Variants in SEPTIN10 observed in about 807,000 individuals in gnomAD.
The protein encoded by SEPTIN10 is septin-10.
A neutral mutation model predicts 54.8 loss-of-function variants in SEPTIN10; 66 were observed. The ratio of observed to expected loss-of-function variants is 1.21; its 90% CI spans 0.99 to 1.48. The LOEUF (loss-of-function observed/expected upper bound fraction) is 1.48, where lower values mean the gene tolerates loss of function less well. SEPTIN10 is among the 40% of genes most tolerant of loss of function. The probability of loss-of-function intolerance (pLI) is 0.00; values close to 1 mark genes in which losing one functional copy is unlikely to be tolerated. For synonymous variants in SEPTIN10, 161 were observed against 181.0 expected (o/e 0.89, Z 0.89); for missense variants, 620 against 545.6 (o/e 1.14, Z -1.36).
At chr2:109,569,482 AT>A (rs1216671374) in intron 5 of SEPTIN10, among the ~76,000 whole-genome samples, 1 of 151,584 alleles carries the variant, frequency 6.6e-6, no homozygotes, top group Non-Finnish European at 1.5e-5. Context: ...CCTATTCTAA[AT>A]TTTTTTATCT....
chr2:109,576,052 T>C (rs916372970), intron 4 of SEPTIN10, among the ~76,000 whole-genome samples: 3 of 150,766 alleles, frequency 2.0e-5, no homozygotes, highest in African/African-American at 7.3e-5. Flanking sequence ...AGGCCAGGAG[T>C]TCAAGAACAG....
chr2:109,563,672 T>G (rs1686220468), intron 8 of SEPTIN10, among the ~76,000 whole-genome samples: 1 of 152,196 alleles, frequency 6.6e-6, no homozygotes, highest in African/African-American at 2.4e-5. Context: ...ATTCTAAAAT[T>G]CTTATAACTA....
chr2:109,613,776 C>T, intron 1 of SEPTIN10, 22 bp downstream of exon 1: 1 of 1,219,644 alleles, frequency 8.2e-7, no homozygotes, highest in Non-Finnish European at 1.0e-6. Context: ...GGGGCTGGGG[C>T]CCCGGCGTCG....
chr2:109,550,995 G>C (rs887959717), intron 9 of SEPTIN10, among the ~76,000 whole-genome samples: 6 of 152,202 alleles, frequency 3.9e-5, no homozygotes, highest in African/African-American at 1.4e-4. Flanking sequence ...CATGTAACCT[G>C]AGGGATAAAT....
At chr2:109,592,983 A>G (rs1382761464) in intron 2 of SEPTIN10, 68 bp downstream of exon 2, 1 of 1,066,626 alleles carries the variant, frequency 9.4e-7, no homozygotes, top group Non-Finnish European at 1.3e-6. Context: ...AAGCACTCCA[A>G]GTAGTTATTT....
In SEPTIN10 at chr2:109,550,954, T is replaced by C. The variant is rs369647782; in HGVS notation, c.1161+2133A>G. On this transcript the variant is annotated intron_variant, in intron 9 of 10. Transcript: ENST00000397712. ...AATTATTCCAAGATATAGACAGACA[T>C]ATCAAATTGGGTAGTAATAATAATG... is the stretch of plus-strand genomic sequence containing the variant. 3.9e-4 allele frequency among the ~76,000 whole-genome samples: 60 copies of C among 152,302 alleles called. 1 individual carries two copies. Among genetic ancestry groups the C allele is most frequent in the African/African-American group, 1.3e-3 (56 of 41,568 alleles).
At chr2:109,610,937 G>T (rs1331314031) in intron 1 of SEPTIN10, among the ~76,000 whole-genome samples, 1 of 152,176 alleles carries the variant, frequency 6.6e-6, no homozygotes, top group Non-Finnish European at 1.5e-5. Flanking sequence ...AGAATAAAGT[G>T]GGAGAAATCA....
intron 8 of SEPTIN10, among the ~76,000 whole-genome samples, chr2:109,562,806 G>A (rs1686012814): frequency 6.6e-6 from 1 of 152,180 alleles, no homozygotes; most frequent in East Asian, 1.9e-4. Flanking sequence ...AATCTTTAGT[G>A]AAGACAATAT....
chr2:109,605,180 T>C (rs1697648082), intron 1 of SEPTIN10, among the ~76,000 whole-genome samples: 1 of 152,200 alleles, frequency 6.6e-6, no homozygotes, highest in African/African-American at 2.4e-5. Context: ...GCTTAATTCA[T>C]CAAGCCAGTC....
rs544162792 is a variant in SEPTIN10 at position 109,584,210 on chromosome 2, C to T, written c.413+916G>A. ...ATGGAAATAAGACTGGGCGCAGTTGCTCACGCCTGTAATCCTAGCACTTCG... is the reference window on the plus strand; with the variant it reads ...ATGGAAATAAGACTGGGCGCAGTTGTTCACGCCTGTAATCCTAGCACTTCG... On this transcript the variant is annotated intron_variant, in intron 4 of 10. Transcript: ENST00000397712. 5.9e-5 allele frequency among the ~76,000 whole-genome samples: 9 copies of T among 152,260 alleles called. No individual in the cohort carries two copies. The South Asian group carries it at 1.9e-3, about 32-fold the overall frequency.
At chr2:109,588,771 G>C (rs911463993) in intron 2 of SEPTIN10, among the ~76,000 whole-genome samples, 1 of 151,088 alleles carries the variant, frequency 6.6e-6, no homozygotes, top group Admixed American at 6.6e-5. Flanking sequence ...GATTACAGGC[G>C]TGAGCCACCA....
In SEPTIN10 at chr2:109,574,668, G is replaced by A. The variant is rs1689228133; in HGVS notation, c.513C>T (p.Arg171=). The stretch of plus-strand genomic sequence containing the variant: ...AAATGAAGTAGAGACACACATGGAT[G>A]CGAGAATCATGGTAGGTAAAGAGAG... ...KRSLFTYHDS[R]IHVCLYFISP... is the part of the protein sequence containing the mutation. The change falls in exon 5 of 11, where the codon CGC becomes CGT. Residue 171 remains arginine, a synonymous_variant. Transcript: ENST00000397712. 1.2e-6 allele frequency: 2 copies of A among 1,610,160 alleles called. No individual in the cohort carries two copies. Among genetic ancestry groups the A allele is most frequent in the Non-Finnish European group, 1.7e-6 (2 of 1,178,264 alleles).
intron 2 of SEPTIN10, among the ~76,000 whole-genome samples, chr2:109,591,714 C>T (rs892460): frequency 0.53 from 80,175 of 151,276 alleles, 22,542 homozygotes; most frequent in African/African-American, 0.73. Flanking sequence ...CTGGCCAACA[C>T]GAGCAAAACC....
At chr2:109,559,784 A>C (rs1685195232) in intron 8 of SEPTIN10, among the ~76,000 whole-genome samples, 1 of 152,198 alleles carries the variant, frequency 6.6e-6, no homozygotes, top group Non-Finnish European at 1.5e-5. Flanking sequence ...GCAGTGAACA[A>C]AAAAGGCTGG....
chr2:109,570,800 G>A (rs1002651203), intron 5 of SEPTIN10, among the ~76,000 whole-genome samples: 1 of 152,188 alleles, frequency 6.6e-6, no homozygotes, highest in Non-Finnish European at 1.5e-5. Context: ...GGGATTACAA[G>A]CATGGGCCAC....
At chr2:109,593,697 C>T (rs1391815194) in intron 1 of SEPTIN10, among the ~76,000 whole-genome samples, 4 of 152,116 alleles carry the variant, frequency 2.6e-5, no homozygotes, top group Non-Finnish European at 4.4e-5. Flanking sequence ...AGCCACCACG[C>T]CTGGCCTTTT....
rs1334575491 is a variant in SEPTIN10 at position 109,585,971 on chromosome 2, T to C, written c.100-133A>G. ...TATAATCATTATACCTCACCTAAGATACAAGCGATTAAGTAAATTTTCAGG... is the reference window on the plus strand; with the variant it reads ...TATAATCATTATACCTCACCTAAGACACAAGCGATTAAGTAAATTTTCAGG... On this transcript the variant is annotated intron_variant, in intron 2 of 10. Transcript: ENST00000397712. The C allele has an allele frequency of 1.8e-5, 11 of 625,014 alleles. No individual in the cohort carries two copies. In the East Asian group the frequency reaches 3.1e-4, roughly 18 times the overall value. The allele number at this position is 625,014 out of a possible 1,614,324, so 38.7% of individuals were successfully genotyped here. A position where few individuals can be genotyped will look rare whatever the true frequency, so the allele number is the denominator to read the frequency against.
chr2:109,598,250 T>TA (rs1695745487), intron 1 of SEPTIN10, among the ~76,000 whole-genome samples: 1 of 151,938 alleles, frequency 6.6e-6, no homozygotes, highest in African/African-American at 2.4e-5. Context: ...GTATTTTTAT[T>TA]AGAGACAGGG....
At chr2:109,581,873 A>G (rs1389494443) in intron 4 of SEPTIN10, among the ~76,000 whole-genome samples, 1 of 152,238 alleles carries the variant, frequency 6.6e-6, no homozygotes, top group African/African-American at 2.4e-5. Context: ...TAGGAAAAGA[A>G]AAAGTCAAAT....
Sources: allele counts gnomAD v4.1 joint callset (sites outside exome capture counted in the v4.1 genomes callset), GRCh38; gene constraint gnomAD v4.1.1; transcripts MANE v1.5; gene names NCBI Gene and HGNC (gene_info 2026-07-23, HGNC 2026-07-21).